Variants in PKNOX2 observed in about 807,000 individuals in gnomAD.
PKNOX2 encodes PBX/knotted 1 homeobox 2.
A neutral mutation model predicts 53.1 loss-of-function variants in PKNOX2; 14 were observed. That is an observed-to-expected ratio of 0.26 (90% CI 0.17 to 0.41). The LOEUF is 0.41. Among genes scored for constraint, PKNOX2 ranks in the 10% least tolerant of loss-of-function variants. The probability of loss-of-function intolerance (pLI) is 1.00; values close to 1 mark genes in which losing one functional copy is unlikely to be tolerated. For missense variants in PKNOX2, 496 were observed against 602.8 expected, an observed-to-expected ratio of 0.82 and a Z score of 1.85; for synonymous variants, 257 against 242.8, an observed-to-expected ratio of 1.06 and a Z score of -0.54.
rs186991344 is a variant in PKNOX2 at position 125,278,955 on chromosome 11, G to A, written c.-130+43840G>A. On this transcript the variant is annotated intron_variant, in intron 2 of 12. Transcript: ENST00000298282. ...CTGGGTGGAGGTGCAGGAGGCTGGCGGATGTCCGTTTTCCCAGCCTGGCTG... is the reference window on the plus strand; with the variant it reads ...CTGGGTGGAGGTGCAGGAGGCTGGCAGATGTCCGTTTTCCCAGCCTGGCTG... Among the ~76,000 whole-genome samples the A allele has an allele frequency of 6.6e-5, 10 of 152,288 alleles. No homozygotes were observed. The East Asian group carries it at 1.4e-3, about 21-fold the overall frequency.
chr11:125,407,745 A>G (rs1955196700), intron 7 of PKNOX2, among the ~76,000 whole-genome samples: 1 of 128,902 alleles, frequency 7.8e-6, no homozygotes, highest in Non-Finnish European at 1.8e-5. Context: ...TGTCTCAAAA[A>G]ACAAACAAAA....
chr11:125,179,502 T>C lies in PKNOX2; in HGVS notation c.-201+14726T>C, dbSNP rs573575278. ...AATCGCGTCCCAGGCAGGGGGAGCATAGAGTTGAAGGCCCCCCGGCAGGGA... is the reference window on the plus strand; with the variant it reads ...AATCGCGTCCCAGGCAGGGGGAGCACAGAGTTGAAGGCCCCCCGGCAGGGA... On this transcript the variant is annotated intron_variant, in intron 1 of 12. Coordinates refer to ENST00000298282, the MANE Select transcript of PKNOX2 (RefSeq NM_001382323.2). Among the ~76,000 whole-genome samples, 3 of 144,810 alleles carry C rather than the reference T, an allele frequency of 2.1e-5. No individual in the cohort carries two copies. The South Asian group carries it at 6.7e-4, about 32-fold the overall frequency.
intron 1 of PKNOX2, among the ~76,000 whole-genome samples, chr11:125,198,840 TC>T (rs144181422): frequency 0.18 from 24,215 of 134,996 alleles, 2,636 homozygotes; most frequent in Admixed American, 0.28. Flanking sequence ...TTCTTCTTCT[TC>T]TTTTTTTTTT....
intron 5 of PKNOX2, among the ~76,000 whole-genome samples, chr11:125,379,910 G>A (rs946375642): frequency 1.0e-4 from 15 of 149,600 alleles, no homozygotes; most frequent in Admixed American, 3.4e-4. Flanking sequence ...TGTGGAGAGG[G>A]GTTCTTTATT....
intron 7 of PKNOX2, among the ~76,000 whole-genome samples, chr11:125,404,719 C>T (rs1954969588): frequency 6.6e-6 from 1 of 152,230 alleles, no homozygotes; most frequent in Non-Finnish European, 1.5e-5. Context: ...ATGTACCATG[C>T]ACTTAACATT....
intron 7 of PKNOX2, 166 bp from the exon 8 acceptor site, chr11:125,410,030 C>T (rs1955404836): frequency 2.3e-6 from 2 of 880,566 alleles, no homozygotes; most frequent in Non-Finnish European, 3.3e-6. Flanking sequence ...TCTTATTCAC[C>T]CTTTCTAGGA....
intron 2 of PKNOX2, among the ~76,000 whole-genome samples, chr11:125,308,373 C>T (rs746899002): frequency 1.3e-5 from 2 of 152,224 alleles, no homozygotes; most frequent in South Asian, 4.1e-4. Flanking sequence ...TCCTTTCCCA[C>T]CTCTGCTCAG....
chr11:125,344,233 G>T (rs777552009), intron 3 of PKNOX2, among the ~76,000 whole-genome samples: 1 of 152,154 alleles, frequency 6.6e-6, no homozygotes, highest in Non-Finnish European at 1.5e-5. Context: ...CTGTTGGCCC[G>T]ACCACAGTGA....
At chr11:125,232,714 C>T (rs142447821) in intron 1 of PKNOX2, among the ~76,000 whole-genome samples, 2 of 152,298 alleles carry the variant, frequency 1.3e-5, no homozygotes, top group East Asian at 1.9e-4. Flanking sequence ...ATTCAACCCT[C>T]AGTTGGGTAC....
chr11:125,398,117 G>A (rs1954521842), intron 7 of PKNOX2, 55 bp downstream of exon 7: 3 of 1,524,780 alleles, frequency 2.0e-6, no homozygotes, highest in East Asian at 4.5e-5. Context: ...GCCCAGCTCT[G>A]GAGCCACGCG....
intron 1 of PKNOX2, among the ~76,000 whole-genome samples, chr11:125,214,717 C>A (rs1940279744): frequency 6.6e-6 from 1 of 152,018 alleles, no homozygotes; most frequent in South Asian, 2.1e-4. Flanking sequence ...GGGGTGCAGC[C>A]TCTCCAACTC....
chr11:125,324,367 A>G (rs1481743029), intron 2 of PKNOX2, among the ~76,000 whole-genome samples: 2 of 152,254 alleles, frequency 1.3e-5, no homozygotes, highest in African/African-American at 4.8e-5. Context: ...AAAGGAGATC[A>G]GCATGTGGTG....
intron 2 of PKNOX2, among the ~76,000 whole-genome samples, chr11:125,328,594 CTGA>C (rs1172762222): frequency 6.6e-6 from 1 of 152,170 alleles, no homozygotes; most frequent in Non-Finnish European, 1.5e-5. Flanking sequence ...CCGGAAAAGG[CTGA>C]TGTTAGCAAA....
intron 2 of PKNOX2, among the ~76,000 whole-genome samples, chr11:125,311,242 A>G (rs1276387628): frequency 6.6e-6 from 1 of 152,212 alleles, no homozygotes; most frequent in African/African-American, 2.4e-5. Flanking sequence ...CACATTCCCC[A>G]TTAGAAAGAC....
At chr11:125,218,340 A>G (rs991907198) in intron 1 of PKNOX2, among the ~76,000 whole-genome samples, 3 of 151,090 alleles carry the variant, frequency 2.0e-5, no homozygotes, top group Non-Finnish European at 4.4e-5. Context: ...TCGGCCATGT[A>G]AAAACATGCA....
intron 1 of PKNOX2, among the ~76,000 whole-genome samples, chr11:125,174,104 C>A (rs922393622): frequency 6.6e-6 from 1 of 152,196 alleles, no homozygotes; most frequent in Admixed American, 6.5e-5. Context: ...AGGAGCTGTC[C>A]TGCCTTCCTC....
chr11:125,368,508 T>C (rs1344514790), intron 5 of PKNOX2, among the ~76,000 whole-genome samples: 1 of 152,246 alleles, frequency 6.6e-6, no homozygotes, highest in African/African-American at 2.4e-5. Context: ...TAGGCATTTT[T>C]TAAAGCATTC....
At chr11:125,223,457 T>G (rs1941408734) in intron 1 of PKNOX2, among the ~76,000 whole-genome samples, 1 of 152,150 alleles carries the variant, frequency 6.6e-6, no homozygotes, top group African/African-American at 2.4e-5. Context: ...GTCAAACTCC[T>G]GGACTCAAGT....
intron 7 of PKNOX2, among the ~76,000 whole-genome samples, chr11:125,402,272 C>T (rs539202183): frequency 1.2e-4 from 19 of 152,086 alleles, no homozygotes; most frequent in Non-Finnish European, 2.5e-4. Context: ...CAATGACACC[C>T]AGGCTTCCTA....
Sources: gnomAD v4.1 joint callset for allele counts (sites outside exome capture counted in the v4.1 genomes callset) on GRCh38, gnomAD v4.1.1 for gene constraint, MANE v1.5 for transcripts, NCBI Gene and HGNC (gene_info 2026-07-23, HGNC 2026-07-21) for gene names.